Variants in MID1 observed in about 807,000 individuals in gnomAD.
MID1 encodes midline 1.
MID1 carries 7 observed loss-of-function variants against 40.4 expected under a neutral mutation model. The ratio of observed to expected loss-of-function variants is 0.17; its 90% CI spans 0.10 to 0.33. The LOEUF (loss-of-function observed/expected upper bound fraction) is 0.33, where lower values mean the gene tolerates loss of function less well. Among genes scored for constraint, MID1 ranks in the 10% least tolerant of loss-of-function variants. The pLI, the probability that MID1 is intolerant of heterozygous loss-of-function variation, is 1.00. For missense variants in MID1, 367 were observed against 558.5 expected, an observed-to-expected ratio of 0.66 and a Z score of 3.46; for synonymous variants, 229 against 221.2, an observed-to-expected ratio of 1.04 and a Z score of -0.31.
intron 7 of MID1, among the ~76,000 whole-genome samples, chrX:10,466,138 A>G (rs1353375032): frequency 9.0e-6 from 1 of 111,493 alleles, no homozygotes; most frequent in Non-Finnish European, 1.9e-5. Context: ...ACAATGAATC[A>G]TCTCTCCATT....
rs200040870 is a variant in MID1, at chrX:10,461,138, T to TACACACAC, written c.1286-1339_1286-1332dup. Among the ~76,000 whole-genome samples, 425 of 96,780 alleles carry TACACACAC rather than the reference T, an allele frequency of 4.4e-3. 3 individuals are homozygous for TACACACAC. Among genetic ancestry groups the TACACACAC allele is most frequent in the African/African-American group, 0.015 (391 of 25,581 alleles). 84.0% of individuals were successfully genotyped at this position (96,780 alleles called of 115,157 possible). ...TATATCATCTAAAGATATCTAAAGA[T>TACACACAC]ACACACACACACACACACACACACA... On this transcript the variant is annotated intron_variant, in intron 7 of 9. Coordinates refer to ENST00000317552, the MANE Select transcript of MID1 (RefSeq NM_000381.4).
intron 9 of MID1, among the ~76,000 whole-genome samples, chrX:10,453,962 G>A (rs1326242596): frequency 8.9e-6 from 1 of 112,283 alleles, no homozygotes; most frequent in Non-Finnish European, 1.9e-5. Flanking sequence ...GCTTAGACCA[G>A]TGCCTGGCAC....
intron 1 of MID1, among the ~76,000 whole-genome samples, chrX:10,642,584 C>A (rs1417087130): frequency 9.1e-6 from 1 of 110,344 alleles, no homozygotes; most frequent in Non-Finnish European, 1.9e-5. Flanking sequence ...AATGGCCGTA[C>A]TACCCAAGGT....
intron 1 of MID1, among the ~76,000 whole-genome samples, chrX:10,745,213 A>G (rs779176513): frequency 8.8e-6 from 1 of 113,046 alleles, no homozygotes; most frequent in East Asian, 2.8e-4. Context: ...TAAATGCAGT[A>G]CAGTGCCTGG....
At chrX:10,819,675 G>A (rs1022842820) in intron 1 of MID1, among the ~76,000 whole-genome samples, 1 of 111,684 alleles carries the variant, frequency 9.0e-6, no homozygotes, top group Non-Finnish European at 1.9e-5. Flanking sequence ...ATTAGTTCTT[G>A]TCTTAATTTT....
intron 4 of MID1, among the ~76,000 whole-genome samples, chrX:10,484,761 T>C (rs1032701869): frequency 8.1e-5 from 9 of 111,783 alleles, no homozygotes; most frequent in Non-Finnish European, 1.7e-4. Flanking sequence ...GGAATTTCCA[T>C]TTCAACAAGC....
chrX:10,563,560 T>C (rs866502099), intron 2 of MID1, among the ~76,000 whole-genome samples: 162 of 112,286 alleles, frequency 1.4e-3, no homozygotes, highest in African/African-American at 5.0e-3. Flanking sequence ...AGAGGCTTCT[T>C]AAAATTCAAT....
In MID1 at chrX:10,704,186, A is replaced by G. The variant is rs775776487; in HGVS notation, c.-186-83767T>C. Among the ~76,000 whole-genome samples, 23 of 112,228 alleles carry G rather than the reference A, an allele frequency of 2.0e-4. No homozygotes were observed. In the South Asian group the frequency reaches 8.5e-3, roughly 42 times the overall value. ...ACCCAGTGCCTTGTCCAACAGGCAAAATAACCTGTCAGTCACCTTACTTTT... is the reference window on the plus strand; with the variant it reads ...ACCCAGTGCCTTGTCCAACAGGCAAGATAACCTGTCAGTCACCTTACTTTT... On this transcript the variant is annotated intron_variant, in intron 1 of 10. Transcript: ENST00000380785.
chrX:10,669,025 C>T (rs1343305799), intron 1 of MID1, among the ~76,000 whole-genome samples: 1 of 107,527 alleles, frequency 9.3e-6, no homozygotes, highest in African/African-American at 3.4e-5. Context: ...CGAGACCATC[C>T]TGGCTAACAA....
chrX:10,551,869 C>T (rs1933921311), intron 2 of MID1, among the ~76,000 whole-genome samples: 1 of 111,825 alleles, frequency 8.9e-6, no homozygotes, highest in Non-Finnish European at 1.9e-5. Flanking sequence ...CTGTAGCCTC[C>T]AACTCTGGGC....
chrX:10,828,271 C>T (rs1223205520), intron 1 of MID1, among the ~76,000 whole-genome samples: 2 of 111,429 alleles, frequency 1.8e-5, no homozygotes, highest in Non-Finnish European at 3.8e-5. Flanking sequence ...GATATGTTAG[C>T]GCATGGGATA....
In MID1 at chrX:10,800,575, G is replaced by A. The variant is rs775712973; in HGVS notation, c.-187+32979C>T. 2.7e-5 allele frequency among the ~76,000 whole-genome samples: 3 copies of A among 111,925 alleles called. No homozygotes were observed. In the South Asian group the frequency reaches 1.1e-3, roughly 42 times the overall value. ...AACTAATAAAAGGACCCCACAAAAA[G>A]GCAATTGGCTTGCCACATGTAGCCA... On this transcript the variant is annotated intron_variant, in intron 1 of 10. Coordinates refer to the MID1 transcript ENST00000380785.
intron 1 of MID1, among the ~76,000 whole-genome samples, chrX:10,683,539 T>C (rs1326363166): frequency 1.8e-5 from 2 of 110,238 alleles, no homozygotes; most frequent in African/African-American, 3.3e-5. Context: ...GAGAACTTGA[T>C]TAAAAAGAAA....
chrX:10,542,487 T>C (rs1044314383), intron 2 of MID1, among the ~76,000 whole-genome samples: 16 of 111,912 alleles, frequency 1.4e-4, no homozygotes, highest in African/African-American at 4.9e-4. Context: ...ATGTGGTAAT[T>C]AACGTCAGAA....
intron 2 of MID1, among the ~76,000 whole-genome samples, chrX:10,531,630 T>G (rs773057636): frequency 8.9e-6 from 1 of 112,536 alleles, no homozygotes; most frequent in South Asian, 3.6e-4. Context: ...AGGAGTTCAG[T>G]GTTTATTTTT....
chrX:10,495,717 G>A, intron 3 of MID1, 26 bp from the exon 4 acceptor site: 2 of 1,064,796 alleles, frequency 1.9e-6, no homozygotes, highest in Non-Finnish European at 2.6e-6. Flanking sequence ...AATGGTAAGT[G>A]TTAATTTGGC....
chrX:10,539,228 A>C (rs1178080858), intron 2 of MID1, among the ~76,000 whole-genome samples: 6 of 112,313 alleles, frequency 5.3e-5, no homozygotes, highest in African/African-American at 1.6e-4. Context: ...TCAAGATAAT[A>C]GCAAACACTT....
chrX:10,744,283 C>T (rs920587539), intron 1 of MID1, among the ~76,000 whole-genome samples: 1 of 112,110 alleles, frequency 8.9e-6, no homozygotes, highest in Non-Finnish European at 1.9e-5. Flanking sequence ...GATGGTGCTA[C>T]AGGTGCCCTG....
Position 10,567,032 on chromosome X carries a change from C to T in MID1, c.516G>A (p.Gly172=). 8.3e-7 allele frequency: 1 copy of T among 1,211,472 alleles called. No individual in the cohort carries two copies. The highest frequency in any genetic ancestry group is 1.1e-6 in the Non-Finnish European group (1 of 895,290). ...CATCCTCATGCTCCAAGCACATCAG[C>T]CCCCGGATGTGAGAGTCCGGAATTG... The part of the protein sequence containing the change: ...IEPIPDSHIR[G]LMCLEHEDEK... Residue 172 remains glycine, a synonymous_variant, in exon 2 of 10, where the codon GGG becomes GGA. Transcript: ENST00000317552.
Sources: gnomAD v4.1 joint callset for allele counts (sites outside exome capture counted in the v4.1 genomes callset) on GRCh38, gnomAD v4.1.1 for gene constraint, MANE v1.5 for transcripts, NCBI Gene and HGNC (gene_info 2026-07-23, HGNC 2026-07-21) for gene names.